The following TMEM74 variants were observed in gnomAD, a reference collection of about 807,000 sequenced individuals.
TMEM74 encodes transmembrane protein 74.
A neutral mutation model predicts 18.1 loss-of-function variants in TMEM74; 13 were observed. The ratio of observed to expected loss-of-function variants is 0.72; its 90% confidence interval spans 0.47 to 1.14. The LOEUF (loss-of-function observed/expected upper bound fraction) is 1.14, where lower values mean the gene tolerates loss of function less well. TMEM74 is among the 50% of genes most tolerant of loss of function. The probability of loss-of-function intolerance (pLI) is 0.00; values close to 1 mark genes in which losing one functional copy is unlikely to be tolerated. For missense variants in TMEM74, 372 were observed against 375.9 expected (o/e 0.99, Z 0.09); for synonymous variants, 159 against 146.6 (o/e 1.08, Z -0.61).
exon 4 of TMEM74, chr8:108,606,867 T>A (rs1377189456): frequency 6.6e-6 from 1 of 152,230 alleles, no homozygotes; most frequent in African/African-American, 2.4e-5. Flanking sequence ...ATCATCCATT[T>A]TATTGTACTC....
chr8:108,686,404 G>A (rs948264383), intron 1 of TMEM74, among the ~76,000 whole-genome samples: 3 of 151,556 alleles, frequency 2.0e-5, no homozygotes, highest in African/African-American at 4.8e-5. Context: ...AGGTTTCACC[G>A]TGTTAGCCAG....
intron 1 of TMEM74, among the ~76,000 whole-genome samples, chr8:108,698,438 CT>C (rs1183726967): frequency 1.3e-5 from 2 of 152,192 alleles, no homozygotes; most frequent in Non-Finnish European, 2.9e-5. Flanking sequence ...GTTTCCTCAG[CT>C]GTAGAATGGA....
At chr8:108,738,879 C>T (rs1334632872) in intron 1 of TMEM74, among the ~76,000 whole-genome samples, 2 of 152,166 alleles carry the variant, frequency 1.3e-5, no homozygotes, top group Non-Finnish European at 2.9e-5. Context: ...ATAATCTAGC[C>T]ATTATATCTA....
chr8:108,638,883 T>A (rs1812633521), intron 2 of TMEM74, among the ~76,000 whole-genome samples: 2 of 152,196 alleles, frequency 1.3e-5, no homozygotes, highest in Admixed American at 6.5e-5. Flanking sequence ...GACTGAGGCG[T>A]GACCATGTGA....
chr8:108,658,295 T>C (rs1291179834), intron 1 of TMEM74, among the ~76,000 whole-genome samples: 1 of 152,060 alleles, frequency 6.6e-6, no homozygotes, highest in Non-Finnish European at 1.5e-5. Context: ...AAGGGTTATG[T>C]AGGAATGGGG....
chr8:108,677,215 A>G (rs1317395676), intron 1 of TMEM74, among the ~76,000 whole-genome samples: 1 of 152,198 alleles, frequency 6.6e-6, no homozygotes, highest in African/African-American at 2.4e-5. Flanking sequence ...TGGCCTAGAA[A>G]GAAAGGAACC....
At chr8:108,656,306 A>C (rs1001884861) in intron 1 of TMEM74, among the ~76,000 whole-genome samples, 1 of 152,104 alleles carries the variant, frequency 6.6e-6, no homozygotes, top group African/African-American at 2.4e-5. Flanking sequence ...TGGGTGAATA[A>C]GTTTGCTTAG....
At chr8:108,647,570 A>G (rs1158268201) in intron 2 of TMEM74, among the ~76,000 whole-genome samples, 1 of 152,158 alleles carries the variant, frequency 6.6e-6, no homozygotes, top group Non-Finnish European at 1.5e-5. Context: ...AAAGAAATCT[A>G]TTTTTAAAAA....
chr8:108,762,211 A>G (rs368303390), intron 1 of TMEM74, among the ~76,000 whole-genome samples: 3 of 152,236 alleles, frequency 2.0e-5, no homozygotes, highest in African/African-American at 7.2e-5. Context: ...AATTGCACCT[A>G]ACTAACATTT....
chr8:108,617,202 C>A lies in TMEM74; in HGVS notation n.265-8376G>T, dbSNP rs185662019. On this transcript the variant is annotated intron_variant and non_coding_transcript_variant, in intron 2 of 3. Coordinates refer to the TMEM74 transcript ENST00000518838. ...ATGCAAACGCAAGCAGATGCAAAGG[C>A]CCTGAAGTAGAAGGAGCCAATGTGG... Among the ~76,000 whole-genome samples the A allele has an allele frequency of 5.6e-3, 846 of 151,772 alleles. 5 individuals carry two copies. The highest frequency in any genetic ancestry group is 7.7e-3 in the Non-Finnish European group (526 of 67,970).
chr8:108,636,749 G>A (rs1041195577), intron 2 of TMEM74, among the ~76,000 whole-genome samples: 1 of 150,456 alleles, frequency 6.6e-6, no homozygotes, highest in Middle Eastern at 3.4e-3. Flanking sequence ...CAGGAATCAC[G>A]CCTTATATAG....
chr8:108,747,973 T>C (rs1813866944), intron 1 of TMEM74, among the ~76,000 whole-genome samples: 1 of 152,132 alleles, frequency 6.6e-6, no homozygotes, highest in African/African-American at 2.4e-5. Flanking sequence ...TTGATGGGTA[T>C]TTAGGTTGAT....
At chr8:108,646,075 C>T (rs933340527) in intron 2 of TMEM74, among the ~76,000 whole-genome samples, 1 of 150,714 alleles carries the variant, frequency 6.6e-6, no homozygotes, top group African/African-American at 2.4e-5. Context: ...ATATATTGTT[C>T]ACGAAGTTTT....
At chr8:108,727,244 G>A (rs1235071544) in intron 1 of TMEM74, among the ~76,000 whole-genome samples, 1 of 152,160 alleles carries the variant, frequency 6.6e-6, no homozygotes, top group Non-Finnish European at 1.5e-5. Flanking sequence ...AATGATTTGA[G>A]TTATAAAAAG....
At chr8:108,608,216 C>T (rs1389990825) in intron 3 of TMEM74, among the ~76,000 whole-genome samples, 7 of 149,820 alleles carry the variant, frequency 4.7e-5, no homozygotes, top group African/African-American at 1.2e-4. Context: ...GCAGGAGAAT[C>T]GCTTGAACCT....
chr8:108,653,529 AG>A (rs1222599943), intron 2 of TMEM74, among the ~76,000 whole-genome samples: 1 of 152,204 alleles, frequency 6.6e-6, no homozygotes, highest in Non-Finnish European at 1.5e-5. Context: ...TAAGTAAAAA[AG>A]TTTATGTAAC....
rs549703032 is a variant in TMEM74 at position 108,745,238 on chromosome 8, A to C, written n.119+42238T>G. Among the ~76,000 whole-genome samples, 5 of 152,202 alleles carry C rather than the reference A, an allele frequency of 3.3e-5. No homozygotes were observed. In the East Asian group the frequency reaches 9.7e-4, roughly 30 times the overall value. ...ACAGTGGTAATTCTCAGTGGTTAGC[A>C]AACTTTTTCCATGAAAGGCCAGAGT... On this transcript the variant is annotated intron_variant and non_coding_transcript_variant, in intron 1 of 3. Transcript: ENST00000518838.
intron 1 of TMEM74, among the ~76,000 whole-genome samples, chr8:108,745,227 C>T (rs1813837706): frequency 6.6e-6 from 1 of 152,046 alleles, no homozygotes; most frequent in Non-Finnish European, 1.5e-5. Context: ...TGGTAATTCT[C>T]AGTGGTTAGC....
intron 2 of TMEM74, among the ~76,000 whole-genome samples, chr8:108,612,631 T>C (rs1326032144): frequency 2.0e-5 from 3 of 152,180 alleles, no homozygotes; most frequent in Admixed American, 2.0e-4. Flanking sequence ...AGACTAAAGC[T>C]AAAGTGACCT....
Sources: allele counts gnomAD v4.1 joint callset (sites outside exome capture counted in the v4.1 genomes callset), GRCh38; gene constraint gnomAD v4.1.1; transcripts MANE v1.5; gene names NCBI Gene and HGNC (gene_info 2026-07-23, HGNC 2026-07-21).